SNCAIP: variants seen among roughly 807,000 people sequenced by gnomAD.
The protein encoded by SNCAIP is synuclein alpha interacting protein.
In SNCAIP, 43 loss-of-function variants were observed where a neutral mutation model predicts 86.7. The ratio of observed to expected loss-of-function variants is 0.50; its 90% CI spans 0.39 to 0.64. SNCAIP has a LOEUF of 0.64. Ranked by LOEUF, SNCAIP falls within the 30% of genes least tolerant of loss-of-function variation. The pLI is 0.00. For synonymous variants in SNCAIP, 417 were observed against 427.2 expected (o/e 0.98, Z 0.29); for missense variants, 981 against 1,103.1 (o/e 0.89, Z 1.57).
chr5:122,407,334 G>T (rs1310064918), intron 3 of SNCAIP, among the ~76,000 whole-genome samples: 1 of 152,196 alleles, frequency 6.6e-6, no homozygotes, highest in African/African-American at 2.4e-5. Flanking sequence ...CCAGGAATGA[G>T]CTTAGCAAGT....
At chr5:122,377,896 T>C (rs1309811457) in intron 1 of SNCAIP, among the ~76,000 whole-genome samples, 2 of 151,944 alleles carry the variant, frequency 1.3e-5, no homozygotes, top group African/African-American at 4.8e-5. Context: ...TGCATAGTAT[T>C]CCATGGTGTA....
At chr5:122,332,348 C>G (rs1203649233) in intron 1 of SNCAIP, among the ~76,000 whole-genome samples, 2 of 152,182 alleles carry the variant, frequency 1.3e-5, no homozygotes, top group African/African-American at 4.8e-5. Context: ...TTCTCCTTAT[C>G]TCACTAAATA....
chr5:122,372,458 G>T (rs1580767137), intron 1 of SNCAIP, among the ~76,000 whole-genome samples: 1 of 152,256 alleles, frequency 6.6e-6, no homozygotes, highest in East Asian at 1.9e-4. Flanking sequence ...GATAGTATAG[G>T]ACAGGATGAT....
intron 2 of SNCAIP, 129 bp downstream of exon 2, chr5:122,391,320 C>A: frequency 2.7e-6 from 2 of 750,380 alleles, no homozygotes; most frequent in Non-Finnish European, 4.7e-6. Flanking sequence ...AGCAGAAATC[C>A]TGTGTGGCAG....
In SNCAIP at chr5:122,358,191, GTGTGTGTGTGTGTATA is replaced by G. The variant is rs1218720617; in HGVS notation, c.-46-32896_-46-32881del. ...TGTGTGTGTGTGTGTGTGTGTGTGT[GTGTGTGTGTGTGTATA>G]TATATATATATAAAATACTTTAAGT... On this transcript the variant is annotated intron_variant, in intron 1 of 10. Transcript: ENST00000261368. 5.9e-3 allele frequency among the ~76,000 whole-genome samples: 560 copies of G among 95,520 alleles called. 3 individuals carry two copies. Among genetic ancestry groups the G allele is most frequent in the African/African-American group, 0.022 (531 of 24,418 alleles). 62.7% of individuals were successfully genotyped at this position (95,520 alleles called of 152,430 possible).
At chr5:122,422,808 A>T (rs1776649616) in intron 3 of SNCAIP, 60 bp from the exon 4 acceptor site, 4 of 1,388,606 alleles carry the variant, frequency 2.9e-6, no homozygotes, top group Non-Finnish European at 4.1e-6. Flanking sequence ...CTACCTGCAT[A>T]GCCAAGATGT....
chr5:122,338,163 A>C lies in SNCAIP; in HGVS notation c.-47+25879A>C, dbSNP rs1477674449. Among the ~76,000 whole-genome samples, 4 of 152,230 alleles carry C rather than the reference A, an allele frequency of 2.6e-5. No individual in the cohort carries two copies. In the East Asian group the frequency reaches 7.7e-4, roughly 29 times the overall value. On this transcript the variant is annotated intron_variant, in intron 1 of 10. Coordinates refer to ENST00000261368, the MANE Select transcript of SNCAIP (RefSeq NM_005460.4). ...TCTTAATTTAATGGAAGATTTCACC[A>C]ACGGTTAAATAGAACGGATACTTCT...
At chr5:122,367,535 A>G (rs1192113985) in intron 1 of SNCAIP, among the ~76,000 whole-genome samples, 1 of 152,128 alleles carries the variant, frequency 6.6e-6, no homozygotes, top group African/African-American at 2.4e-5. Flanking sequence ...CAAAAACCAG[A>G]GATGAGTTTC....
At chr5:122,357,588 C>T (rs1761295503) in intron 1 of SNCAIP, among the ~76,000 whole-genome samples, 1 of 151,898 alleles carries the variant, frequency 6.6e-6, no homozygotes, top group African/African-American at 2.4e-5. Context: ...AAAGGACCCA[C>T]CCTTCTCCCA....
At chr5:122,436,000 G>A (rs1448186059) in intron 6 of SNCAIP, among the ~76,000 whole-genome samples, 1 of 152,092 alleles carries the variant, frequency 6.6e-6, no homozygotes, top group Non-Finnish European at 1.5e-5. Context: ...GCAGTTAACT[G>A]TGATTTCTTT....
chr5:122,351,567 G>A (rs199849550), intron 1 of SNCAIP, among the ~76,000 whole-genome samples: 6,656 of 52,114 alleles, frequency 0.13, 1 homozygote, highest in Non-Finnish European at 0.17. Context: ...AAAAAAAAAA[G>A]AACTAATTAA....
chr5:122,352,330 A>G (rs1301349459), intron 1 of SNCAIP, among the ~76,000 whole-genome samples: 1 of 152,228 alleles, frequency 6.6e-6, no homozygotes, highest in Non-Finnish European at 1.5e-5. Context: ...TAGGTTTGAC[A>G]GCTTTTCTTA....
Position 122,463,665 on chromosome 5 carries a change from A to C in SNCAIP, c.*169A>C. The C allele has an allele frequency of 1.5e-6, 1 of 649,362 alleles. No individual in the cohort carries two copies. The highest frequency in any genetic ancestry group is 2.7e-6 in the Non-Finnish European group (1 of 374,214). The allele number at this position is 649,362 out of a possible 1,614,324, so 40.2% of individuals were successfully genotyped here. On this transcript the variant is annotated 3_prime_UTR_variant, in exon 11 of 11. Transcript: ENST00000261368. Reference sequence around the variant, plus strand: ...TCTTTGGAAAGAGAACCATGAAAACAATGCCTCACCAGCAGAAGAACAGAA... The same window carrying C: ...TCTTTGGAAAGAGAACCATGAAAACCATGCCTCACCAGCAGAAGAACAGAA...
chr5:122,359,246 G>A (rs1462369733), intron 1 of SNCAIP, among the ~76,000 whole-genome samples: 1 of 151,396 alleles, frequency 6.6e-6, no homozygotes, highest in East Asian at 1.9e-4. Context: ...TTCTAGAAAT[G>A]TATTAGATTA....
At chr5:122,428,145 C>T (rs1777712676) in intron 5 of SNCAIP, among the ~76,000 whole-genome samples, 1 of 152,044 alleles carries the variant, frequency 6.6e-6, no homozygotes, top group African/African-American at 2.4e-5. Flanking sequence ...TCTTAATTCC[C>T]TTTTCACTTC....
intron 4 of SNCAIP, among the ~76,000 whole-genome samples, chr5:122,425,001 C>T (rs1043941049): frequency 6.6e-6 from 1 of 152,118 alleles, no homozygotes; most frequent in African/African-American, 2.4e-5. Context: ...GGGAATAAAA[C>T]CCAGCCCCAG....
intron 1 of SNCAIP, among the ~76,000 whole-genome samples, chr5:122,379,751 G>A (rs1283711523): frequency 6.1e-5 from 9 of 148,408 alleles, no homozygotes; most frequent in Non-Finnish European, 1.2e-4. Flanking sequence ...TAGCATGAAG[G>A]GTTGTTGAAT....
intron 6 of SNCAIP, chr5:122,437,482 A>G (rs1471287188): frequency 6.6e-6 from 1 of 152,216 alleles, no homozygotes; most frequent in Non-Finnish European, 1.5e-5. Context: ...TCTGCATTGT[A>G]TAATGGAAGA....
Position 122,363,854 on chromosome 5 carries a change from G to A in SNCAIP, c.-46-27235G>A, listed in dbSNP as rs544082903. ...TATTTATTTTTAGAGACAGGGTCTTGCTTTGTCACCCAGGCTGGAGTGCAG... is the reference window on the plus strand; with the variant it reads ...TATTTATTTTTAGAGACAGGGTCTTACTTTGTCACCCAGGCTGGAGTGCAG... On this transcript the variant is annotated intron_variant, in intron 1 of 10. Transcript: ENST00000261368. Among the ~76,000 whole-genome samples the A allele has an allele frequency of 3.3e-5, 5 of 150,754 alleles. No homozygotes were observed. In the South Asian group the frequency reaches 8.4e-4, roughly 25 times the overall value.
Sources: gnomAD v4.1 joint callset for allele counts (sites outside exome capture counted in the v4.1 genomes callset) on GRCh38, gnomAD v4.1.1 for gene constraint, MANE v1.5 for transcripts, NCBI Gene and HGNC (gene_info 2026-07-23, HGNC 2026-07-21) for gene names.